The following MED12L variants were observed in gnomAD, a reference collection of about 807,000 sequenced individuals.
MED12L encodes mediator of RNA polymerase II transcription subunit 12-like protein.
Under a neutral mutation model 281.3 loss-of-function variants are expected in MED12L, and 60 were observed. The ratio of observed to expected loss-of-function variants is 0.21; its 90% confidence interval spans 0.17 to 0.26. The LOEUF is 0.26. MED12L is among the 10% of genes least tolerant of loss of function. MED12L has a pLI of 1.00. For missense variants in MED12L, 2,146 were observed against 2,680.9 expected (o/e 0.80, Z 4.41); for synonymous variants, 974 against 987.2 (o/e 0.99, Z 0.25).
At chr3:151,238,137 T>TTCTTTC (rs1553753436) in intron 16 of MED12L, among the ~76,000 whole-genome samples, 1 of 149,500 alleles carries the variant, frequency 6.7e-6, no homozygotes, top group Non-Finnish European at 1.5e-5. Context: ...ACATTTTTTC[T>TTCTTTC]TTTTTCTTTT....
chr3:151,094,077 G>A (rs779555774), intron 2 of MED12L, among the ~76,000 whole-genome samples: 6 of 152,206 alleles, frequency 3.9e-5, no homozygotes, highest in South Asian at 2.1e-4. Flanking sequence ...AGTGCCACCC[G>A]CAGGTGTGTG....
chr3:151,213,651 C>G, intron 16 of MED12L: 1 of 1,614,134 alleles, frequency 6.2e-7, no homozygotes, highest in Non-Finnish European at 8.5e-7. Flanking sequence ...AAGTGGAATT[C>G]CGACTTGACT....
intron 39 of MED12L, among the ~76,000 whole-genome samples, chr3:151,402,064 C>T (rs1310395070): frequency 6.6e-6 from 1 of 152,144 alleles, no homozygotes; most frequent in Non-Finnish European, 1.5e-5. Flanking sequence ...GACCAATGTA[C>T]AAATGCAATC....
At chr3:151,280,229 C>A (rs1160705722) in intron 16 of MED12L, among the ~76,000 whole-genome samples, 1 of 152,176 alleles carries the variant, frequency 6.6e-6, no homozygotes, top group East Asian at 1.9e-4. Context: ...CTAAAGGGCC[C>A]ACCCAGGGGG....
intron 16 of MED12L, among the ~76,000 whole-genome samples, chr3:151,232,902 C>T (rs916461783): frequency 6.6e-6 from 1 of 152,192 alleles, no homozygotes; most frequent in African/African-American, 2.4e-5. Context: ...ATATAACCTT[C>T]AGATGTACCC....
At chr3:151,238,681 T>TA (rs34817011) in intron 16 of MED12L, among the ~76,000 whole-genome samples, 45,970 of 151,966 alleles carry the variant, frequency 0.3, 7,066 homozygotes, top group Non-Finnish European at 0.33. Flanking sequence ...CTTACTGACA[T>TA]ACAATCTTAA....
chr3:151,165,280 C>A, intron 9 of MED12L, 140 bp from the exon 10 acceptor site: 1 of 430,658 alleles, frequency 2.3e-6, no homozygotes, highest in Non-Finnish European at 4.2e-6. Flanking sequence ...ACTTATTGGG[C>A]CACAGGCTGC....
chr3:151,309,263 A>G (rs535399955), intron 16 of MED12L, among the ~76,000 whole-genome samples: 1 of 152,348 alleles, frequency 6.6e-6, no homozygotes, highest in Admixed American at 6.5e-5. Context: ...TTGAATTAAA[A>G]TATTTTTCTC....
intron 11 of MED12L, among the ~76,000 whole-genome samples, chr3:151,181,370 A>G (rs1247793805): frequency 6.6e-6 from 1 of 151,968 alleles, no homozygotes; most frequent in African/African-American, 2.4e-5. Context: ...TCAGCTCATC[A>G]TTAGTGCTTT....
intron 16 of MED12L, chr3:151,300,269 T>C (rs1363220790): frequency 4.6e-6 from 3 of 653,936 alleles, no homozygotes; most frequent in African/African-American, 3.6e-5. Context: ...TTTTGGTCTT[T>C]TCAGTTAAAG....
At chr3:151,191,659 C>G (rs1723996859) in intron 14 of MED12L, among the ~76,000 whole-genome samples, 1 of 152,162 alleles carries the variant, frequency 6.6e-6, no homozygotes, top group Admixed American at 6.5e-5. Flanking sequence ...GTAATCCCAG[C>G]ACTTTGGGAG....
At chr3:151,191,221 T>C (rs1053364243) in intron 14 of MED12L, among the ~76,000 whole-genome samples, 5 of 152,240 alleles carry the variant, frequency 3.3e-5, no homozygotes, top group African/African-American at 1.2e-4. Flanking sequence ...ATGTTTCTAA[T>C]CTCTAGTTTT....
chr3:151,265,299 T>C (rs1739627039), intron 16 of MED12L, among the ~76,000 whole-genome samples: 1 of 152,142 alleles, frequency 6.6e-6, no homozygotes, highest in South Asian at 2.1e-4. Context: ...TCTTTTGGCT[T>C]TTAAAGTTAA....
intron 36 of MED12L, among the ~76,000 whole-genome samples, chr3:151,387,055 G>T (rs1713509085): frequency 6.6e-6 from 1 of 152,294 alleles, no homozygotes; most frequent in Non-Finnish European, 1.5e-5. Flanking sequence ...AATGCATATA[G>T]ATAACAACAG....
chr3:151,416,198 A>G (rs760194496), intron 42 of MED12L, 114 bp from the exon 43 acceptor site: 74 of 1,567,638 alleles, frequency 4.7e-5, no homozygotes, highest in Admixed American at 6.8e-5. Context: ...AGGCAGGTAT[A>G]TATTGTTTTT....
At chr3:151,255,865 C>T (rs1327606586) in intron 16 of MED12L, among the ~76,000 whole-genome samples, 1 of 152,190 alleles carries the variant, frequency 6.6e-6, no homozygotes, top group Non-Finnish European at 1.5e-5. Context: ...AATGTAATCT[C>T]TCTCAATCTG....
At chr3:151,222,724 C>T (rs1427360152) in intron 16 of MED12L, among the ~76,000 whole-genome samples, 1 of 152,186 alleles carries the variant, frequency 6.6e-6, no homozygotes, top group Admixed American at 6.5e-5. Context: ...ACTAATAAAG[C>T]ATGATATGCT....
chr3:151,390,032 C>A lies in MED12L; in HGVS notation c.5505C>A (p.Ser1835=), dbSNP rs780292240. Residue 1835 remains serine (S), a synonymous_variant, in exon 38 of 45, where the codon TCC becomes TCA. Transcript: ENST00000687756. ...TGCCTCCTAATTACTCGCCTATCTC[C>A]TCCCAAATGATGCACCATCCACAGT... The part of the protein sequence containing the change: ...YRVPPNYSPI[S]SQMMHHPQST... 1.2e-6 allele frequency: 2 copies of A among 1,614,010 alleles called. No homozygotes were observed. The highest frequency in any genetic ancestry group is 1.7e-6 in the Non-Finnish European group (2 of 1,179,960).
At chr3:151,329,662 AC>A (rs1750130531) in intron 16 of MED12L, 1 of 528,026 alleles carries the variant, frequency 1.9e-6, no homozygotes, top group South Asian at 3.1e-5. Context: ...ATTTGCTAAT[AC>A]TCTATTTTAG....
Sources: allele counts gnomAD v4.1 joint callset (sites outside exome capture counted in the v4.1 genomes callset), GRCh38; gene constraint gnomAD v4.1.1; transcripts MANE v1.5; gene names NCBI Gene and HGNC (gene_info 2026-07-23, HGNC 2026-07-21).